The following USP49 variants were observed in gnomAD, a reference collection of about 807,000 sequenced individuals.
USP49 encodes ubiquitin specific peptidase 49.
In USP49, 24 loss-of-function variants were observed where a neutral mutation model predicts 58.6. The observed-to-expected ratio is 0.41, with a 90% CI of 0.30 to 0.58. The LOEUF is 0.58. USP49 is among the 20% of genes least tolerant of loss of function. USP49 has a pLI of 0.30. For missense variants in USP49, 703 were observed against 866.1 expected (o/e 0.81, Z 2.36); for synonymous variants, 408 against 365.1 (o/e 1.12, Z -1.34).
intron 2 of USP49, among the ~76,000 whole-genome samples, chr6:41,877,583 G>A (rs1166367077): frequency 5.2e-5 from 5 of 96,764 alleles, no homozygotes; most frequent in African/African-American, 1.9e-4. Context: ...TTTTTTTTTT[G>A]AGACAGTCTC....
chr6:41,817,584 CGAGTA>C lies in USP49; in HGVS notation c.-28-10578_-28-10574del, dbSNP rs1263422458. ...AAGTGATTCTCCTGCCTCAGCCTCC[CGAGTA>C]GCTGGGATTACAGGCGCCCACCACC... On this transcript the variant is annotated intron_variant, in intron 3 of 7. Coordinates refer to ENST00000682992, the MANE Select transcript of USP49 (RefSeq NM_001286554.2). Among the ~76,000 whole-genome samples the C allele has an allele frequency of 4.0e-5, 6 of 151,698 alleles. No individual in the cohort carries two copies. The East Asian group carries it at 1.2e-3, about 29-fold the overall frequency.
intron 3 of USP49, among the ~76,000 whole-genome samples, chr6:41,821,241 T>C (rs570369160): frequency 6.6e-6 from 1 of 152,312 alleles, no homozygotes; most frequent in East Asian, 1.9e-4. Flanking sequence ...TCAGTAGTGT[T>C]AGTCACAGAG....
chr6:41,841,164 C>T (rs925225730), intron 3 of USP49, among the ~76,000 whole-genome samples: 1 of 152,114 alleles, frequency 6.6e-6, no homozygotes, highest in Non-Finnish European at 1.5e-5. Flanking sequence ...CCAAACTAAC[C>T]ACACTCTTGC....
intron 3 of USP49, among the ~76,000 whole-genome samples, chr6:41,841,671 T>C (rs1344285373): frequency 6.6e-6 from 1 of 152,228 alleles, no homozygotes; most frequent in Non-Finnish European, 1.5e-5. Flanking sequence ...TAGGTGGACC[T>C]ATTCCCATCC....
At chr6:41,820,010 A>G (rs929962289) in intron 3 of USP49, among the ~76,000 whole-genome samples, 6 of 152,196 alleles carry the variant, frequency 3.9e-5, no homozygotes, top group African/African-American at 7.2e-5. Context: ...AACAAAGGCA[A>G]GTGGGAGTGG....
Position 41,803,291 on chromosome 6 carries a change from GT to G in USP49, c.1561+514del, listed in dbSNP as rs531013213. Among the ~76,000 whole-genome samples the G allele has an allele frequency of 1.2e-3, 167 of 134,180 alleles. No homozygotes were observed. The highest frequency in any genetic ancestry group is 3.9e-3 in the African/African-American group (156 of 39,992). 88.0% of individuals were successfully genotyped at this position (134,180 alleles called of 152,430 possible). On this transcript the variant is annotated intron_variant, in intron 5 of 7. Transcript: ENST00000682992. The surrounding 1 kb of genome is among the most constrained non-coding windows in gnomAD (Gnocchi z 4.1). ...GAGGTCAATCAACTCCTAGGTCTTTGTTTCATTTGTTGTTGTTGTTGTTGTT... is the reference window on the plus strand; with the variant it reads ...GAGGTCAATCAACTCCTAGGTCTTTGTTCATTTGTTGTTGTTGTTGTTGTT...
intron 3 of USP49, among the ~76,000 whole-genome samples, chr6:41,814,661 CTACTT>C (rs10549971): frequency 0.51 from 77,601 of 151,230 alleles, 19,976 homozygotes; most frequent in Admixed American, 0.61. Context: ...GAGGGTAAAT[CTACTT>C]TAGAGAGAAT....
At chr6:41,841,734 TACA>T (rs765080870) in intron 3 of USP49, among the ~76,000 whole-genome samples, 11 of 152,262 alleles carry the variant, frequency 7.2e-5, no homozygotes, top group East Asian at 1.9e-4. Flanking sequence ...AGTCACATGA[TACA>T]ACAACAACGC....
intron 3 of USP49, among the ~76,000 whole-genome samples, chr6:41,809,701 C>T (rs1233230121): frequency 1.3e-5 from 2 of 151,872 alleles, no homozygotes; most frequent in East Asian, 1.9e-4. Context: ...TGGTGGGCGC[C>T]TGTGGTCCCA....
intron 3 of USP49, among the ~76,000 whole-genome samples, chr6:41,851,961 A>AG (rs1335504780): frequency 8.8e-5 from 13 of 147,514 alleles, no homozygotes; most frequent in Non-Finnish European, 1.7e-4. Flanking sequence ...TCAAAAAAAA[A>AG]AAAAAAAAAA....
At chr6:41,862,833 G>C (rs939362191) in intron 3 of USP49, among the ~76,000 whole-genome samples, 2 of 152,160 alleles carry the variant, frequency 1.3e-5, no homozygotes, top group Non-Finnish European at 2.9e-5. Flanking sequence ...GAGTGCAATG[G>C]TGTGATCTCG....
At chr6:41,873,243 A>G (rs1774446443) in intron 2 of USP49, among the ~76,000 whole-genome samples, 1 of 151,878 alleles carries the variant, frequency 6.6e-6, no homozygotes, top group Non-Finnish European at 1.5e-5. Flanking sequence ...AGTTGTTTGC[A>G]TTAATGCAAA....
At chr6:41,805,294 T>C (rs1773089731) in intron 4 of USP49, among the ~76,000 whole-genome samples, 1 of 152,174 alleles carries the variant, frequency 6.6e-6, no homozygotes, top group Admixed American at 6.5e-5. Context: ...TTCCCTCAAA[T>C]TGATCAAAGG....
rs1772885060 is a variant in USP49 at position 41,796,274 on chromosome 6, C to T, written c.*259G>A. 2 of 375,384 alleles carry T rather than the reference C, an allele frequency of 5.3e-6. No individual in the cohort carries two copies. The highest frequency in any genetic ancestry group is 1.0e-4 in the South Asian group (2 of 19,668). 23.3% of individuals were successfully genotyped at this position (375,384 alleles called of 1,614,324 possible). On this transcript the variant is annotated 3_prime_UTR_variant, in exon 8 of 8. Transcript: ENST00000682992. Reference sequence around the variant, plus strand: ...CCCGCTTTCCTCCACCCAGATCCCTCTATATTCAGAAGCAACTGATGAAAG... The same window carrying T: ...CCCGCTTTCCTCCACCCAGATCCCTTTATATTCAGAAGCAACTGATGAAAG...
At position 41,791,260 on chromosome 6, in the gene USP49, CATTT is replaced by C. The variant is rs1353452090; in HGVS notation, c.*5269_*5272del. ...CCATAATTATGGTTGAGTAAGGATT[CATTT>C]ATTTATTTATTAAATTTTTATACAT... On this transcript the variant is annotated 3_prime_UTR_variant, in exon 8 of 8. Transcript: ENST00000682992. 9 of 152,224 alleles carry C rather than the reference CATTT, an allele frequency of 5.9e-5. No homozygotes were observed. Among genetic ancestry groups the C allele is most frequent in the South Asian group, 2.1e-4 (1 of 4,822 alleles). 9.4% of individuals were successfully genotyped at this position (152,224 alleles called of 1,614,324 possible). A position where few individuals can be genotyped will look rare whatever the true frequency, so the allele number is the denominator to read the frequency against.
At chr6:41,841,923 G>T (rs1311446021) in intron 3 of USP49, among the ~76,000 whole-genome samples, 1 of 152,138 alleles carries the variant, frequency 6.6e-6, no homozygotes, top group Non-Finnish European at 1.5e-5. Context: ...CGGGTGTGGT[G>T]GCGCCCGCCT....
chr6:41,863,981 C>T (rs1254225934), intron 3 of USP49, among the ~76,000 whole-genome samples: 2 of 149,930 alleles, frequency 1.3e-5, no homozygotes, highest in African/African-American at 4.9e-5. Context: ...GTCTCCCAGG[C>T]TGATCTCAAA....
chr6:41,875,729 A>AT (rs1261074287), intron 2 of USP49, among the ~76,000 whole-genome samples: 13 of 150,886 alleles, frequency 8.6e-5, no homozygotes, highest in South Asian at 4.2e-4. Context: ...AATCCATTTC[A>AT]TTTTTTTTTA....
intron 3 of USP49, among the ~76,000 whole-genome samples, chr6:41,809,243 C>T (rs1322610712): frequency 2.1e-5 from 3 of 145,026 alleles, no homozygotes; most frequent in African/African-American, 7.6e-5. Flanking sequence ...AAAAAAAAGG[C>T]CAGGTGCGGT....
Sources: allele counts gnomAD v4.1 joint callset (sites outside exome capture counted in the v4.1 genomes callset), GRCh38; gene constraint gnomAD v4.1.1; non-coding constraint Gnocchi (gnomAD v3.1); transcripts MANE v1.5; gene names NCBI Gene and HGNC (gene_info 2026-07-23, HGNC 2026-07-21).